LRP5: variants seen among roughly 807,000 people sequenced by gnomAD.
The protein encoded by LRP5 is low-density lipoprotein receptor-related protein 5.
LRP5 carries 62 observed loss-of-function variants against 154.1 expected under a neutral mutation model. The ratio of observed to expected loss-of-function variants is 0.40; its 90% CI spans 0.33 to 0.50. The LOEUF (loss-of-function observed/expected upper bound fraction) is 0.50. Among genes scored for constraint, LRP5 ranks in the 20% least tolerant of loss-of-function variants. The pLI is 0.55. For missense variants in LRP5, 1,915 were observed against 2,336.7 expected, an observed-to-expected ratio of 0.82 and a Z score of 3.72; for synonymous variants, 966 against 1,011.5, an observed-to-expected ratio of 0.96 and a Z score of 0.85.
At chr11:68,419,154 G>A (rs973725815) in intron 13 of LRP5, among the ~76,000 whole-genome samples, 3 of 152,122 alleles carry the variant, frequency 2.0e-5, no homozygotes, top group African/African-American at 7.2e-5. Context: ...CCAATTGGCC[G>A]AGGTTTTGTT....
At position 68,415,972 on chromosome 11, in the gene LRP5, G is replaced by A. The variant is rs1004394154; in HGVS notation, c.2828-356G>A. On this transcript the variant is annotated intron_variant, in intron 12 of 22. Transcript: ENST00000294304. ...CAGGAGGCTGAGGCAGGAGAATGGC[G>A]TGAACCCGAGAGGCAGAGCTTACAG... Among the ~76,000 whole-genome samples the A allele has an allele frequency of 4.0e-5, 6 of 150,664 alleles. No homozygotes were observed. In the East Asian group the frequency reaches 7.8e-4, roughly 20 times the overall value.
At chr11:68,370,525 G>A (rs2098633452) in intron 5 of LRP5, among the ~76,000 whole-genome samples, 1 of 152,176 alleles carries the variant, frequency 6.6e-6, no homozygotes, top group Non-Finnish European at 1.5e-5. Flanking sequence ...CACCTGTGGG[G>A]TTGGACCGCT....
chr11:68,383,003 A>C (rs1591257656), intron 5 of LRP5, among the ~76,000 whole-genome samples: 1 of 151,886 alleles, frequency 6.6e-6, no homozygotes, highest in South Asian at 2.1e-4. Flanking sequence ...TCAGCCTCCC[A>C]AGTAGCTGGA....
At chr11:68,323,842 C>T (rs546902446) in intron 1 of LRP5, among the ~76,000 whole-genome samples, 1 of 152,352 alleles carries the variant, frequency 6.6e-6, no homozygotes, top group Admixed American at 6.5e-5. Context: ...GGAGTTCATG[C>T]ACTTGCCACC....
intron 13 of LRP5, among the ~76,000 whole-genome samples, chr11:68,417,727 G>A (rs2098663397): frequency 1.3e-5 from 2 of 151,968 alleles, no homozygotes; most frequent in South Asian, 4.1e-4. Context: ...CTGAGGTCAG[G>A]GGTTCGAGAC....
chr11:68,433,267 C>T (rs778705026), intron 17 of LRP5, among the ~76,000 whole-genome samples: 53 of 152,194 alleles, frequency 3.5e-4, no homozygotes, highest in Non-Finnish European at 6.2e-4. Context: ...ATTTCCCACC[C>T]GGAGCATTTC....
At chr11:68,398,017 C>T (rs991049550) in intron 7 of LRP5, among the ~76,000 whole-genome samples, 62 of 63,328 alleles carry the variant, frequency 9.8e-4, no homozygotes, top group South Asian at 2.3e-3. Flanking sequence ...TGTTTGCGTG[C>T]GCGCACATGT....
the LRP5 span, among the ~76,000 whole-genome samples, chr11:68,301,630 A>ATT: frequency 7.0e-6 from 1 of 143,340 alleles, no homozygotes. Flanking sequence ...TTATTTATTT[A>ATT]TTTTTTTTTT....
At chr11:68,445,422 C>G (rs893084700) in intron 21 of LRP5, among the ~76,000 whole-genome samples, 1 of 152,220 alleles carries the variant, frequency 6.6e-6, no homozygotes, top group African/African-American at 2.4e-5. Flanking sequence ...ATTCCCTCCC[C>G]AGGGATCCTG....
At chr11:68,328,213 T>A (rs572046981) in intron 1 of LRP5, among the ~76,000 whole-genome samples, 30 of 148,770 alleles carry the variant, frequency 2.0e-4, no homozygotes, top group African/African-American at 6.5e-4. Flanking sequence ...GGCCTTGGCA[T>A]CCACGTTGCT....
chr11:68,340,107 G>A (rs570690612), intron 1 of LRP5, among the ~76,000 whole-genome samples: 1 of 152,186 alleles, frequency 6.6e-6, no homozygotes, highest in Non-Finnish European at 1.5e-5. Flanking sequence ...GGGCGTGGTG[G>A]CGTGTGCCTG....
At chr11:68,360,485 G>A (rs555081116) in intron 3 of LRP5, among the ~76,000 whole-genome samples, 8 of 152,332 alleles carry the variant, frequency 5.3e-5, no homozygotes, top group South Asian at 2.1e-4. Flanking sequence ...CCTCTGCAGC[G>A]GCCATCGCTC....
intron 1 of LRP5, among the ~76,000 whole-genome samples, chr11:68,339,348 ATTTTTTCTT>A (rs895074206): frequency 6.7e-6 from 1 of 150,296 alleles, no homozygotes; most frequent in African/African-American, 2.5e-5. Flanking sequence ...CACCTGGCTA[ATTTTTTCTT>A]TTTTTTCCGA....
At chr11:68,415,928 G>T (rs1209056865) in intron 12 of LRP5, among the ~76,000 whole-genome samples, 1 of 134,782 alleles carries the variant, frequency 7.4e-6, no homozygotes, top group African/African-American at 2.6e-5. Flanking sequence ...GGTGACGGGC[G>T]CCTGTAGTCC....
intron 1 of LRP5, among the ~76,000 whole-genome samples, chr11:68,320,349 G>T (rs1035969687): frequency 1.3e-5 from 2 of 151,956 alleles, no homozygotes; most frequent in Non-Finnish European, 2.9e-5. Flanking sequence ...CTTTTGATTT[G>T]CACAACCCTC....
At chr11:68,424,633 G>T (rs904566143) in intron 14 of LRP5, among the ~76,000 whole-genome samples, 4 of 152,222 alleles carry the variant, frequency 2.6e-5, no homozygotes, top group African/African-American at 7.2e-5. Context: ...ATGGACACTT[G>T]TTCTCTCACA....
At chr11:68,437,394 G>A (rs2098675635) in intron 19 of LRP5, among the ~76,000 whole-genome samples, 2 of 152,238 alleles carry the variant, frequency 1.3e-5, no homozygotes, top group Admixed American at 1.3e-4. Context: ...CATGTCATGT[G>A]CACACACATG....
At chr11:68,407,902 TG>T (rs1362151000) in intron 9 of LRP5, among the ~76,000 whole-genome samples, 1 of 152,192 alleles carries the variant, frequency 6.6e-6, no homozygotes, top group Non-Finnish European at 1.5e-5. Flanking sequence ...ATGGATTGTC[TG>T]TGGCAGCTTT....
chr11:68,427,977 T>G (rs1199373839), intron 16 of LRP5, among the ~76,000 whole-genome samples: 2 of 146,488 alleles, frequency 1.4e-5, no homozygotes, highest in Non-Finnish European at 3.0e-5. Flanking sequence ...TTTATTTTTT[T>G]TATTTATTTA....
Sources: allele counts gnomAD v4.1 joint callset (sites outside exome capture counted in the v4.1 genomes callset), GRCh38; gene constraint gnomAD v4.1.1; transcripts MANE v1.5; gene names NCBI Gene and HGNC (gene_info 2026-07-23, HGNC 2026-07-21).